The following PARD3B variants were observed in gnomAD, a reference collection of about 807,000 sequenced individuals.
PARD3B encodes par-3 family cell polarity regulator beta.
A neutral mutation model predicts 130.2 loss-of-function variants in PARD3B; 103 were observed. The observed-to-expected ratio is 0.79, with a 90% CI of 0.67 to 0.93. PARD3B has a LOEUF of 0.93. Among genes scored for constraint, PARD3B ranks in the 40% least tolerant of loss-of-function variants. The pLI, the probability that PARD3B is intolerant of heterozygous loss-of-function variation, is 0.00. For missense variants in PARD3B, 1,609 were observed against 1,499.2 expected, an observed-to-expected ratio of 1.07 and a Z score of -1.21; for synonymous variants, 583 against 553.2, an observed-to-expected ratio of 1.05 and a Z score of -0.76.
intron 2 of PARD3B, among the ~76,000 whole-genome samples, chr2:204,831,158 T>C (rs897194119): frequency 1.3e-5 from 2 of 152,174 alleles, no homozygotes; most frequent in Non-Finnish European, 2.9e-5. Flanking sequence ...GATACTATGT[T>C]ATTTAAATTT....
intron 20 of PARD3B, among the ~76,000 whole-genome samples, chr2:205,459,288 T>C (rs1284787756): frequency 6.6e-6 from 1 of 152,168 alleles, no homozygotes; most frequent in Non-Finnish European, 1.5e-5. Flanking sequence ...TGCCTTCAAG[T>C]AGTTTTTAGG....
Position 205,564,141 on chromosome 2 carries a change from CAG to C in PARD3B, c.3260+10739_3260+10740del, listed in dbSNP as rs1339252945. On this transcript the variant is annotated intron_variant, in intron 22 of 22. Transcript: ENST00000406610. This position sits in a 1 kb window ranked among gnomAD's most constrained non-coding sequence, Gnocchi z 4.6. ...CAGAACTAGTGACAGGTTTTGGAGT[CAG>C]TTCAGTATTTTCTGCATCTGAAATT... Among the ~76,000 whole-genome samples, 1 of 152,142 alleles carries C rather than the reference CAG, an allele frequency of 6.6e-6. No individual in the cohort carries two copies. The highest frequency in any genetic ancestry group is 1.5e-5 in the Non-Finnish European group (1 of 68,034).
chr2:205,487,189 T>G (rs1265196876), intron 20 of PARD3B, among the ~76,000 whole-genome samples: 1 of 152,186 alleles, frequency 6.6e-6, no homozygotes, highest in Non-Finnish European at 1.5e-5. Context: ...TCACATATAT[T>G]TAGAACACTT....
chr2:205,369,427 TCA>T (rs577754796), intron 18 of PARD3B, among the ~76,000 whole-genome samples: 5 of 152,284 alleles, frequency 3.3e-5, no homozygotes, highest in African/African-American at 1.2e-4. Flanking sequence ...ATGATCTGTC[TCA>T]CAGGCTGGCA....
chr2:205,219,810 A>G (rs2038142014), intron 15 of PARD3B, among the ~76,000 whole-genome samples: 1 of 152,176 alleles, frequency 6.6e-6, no homozygotes, highest in East Asian at 1.9e-4. Flanking sequence ...AATGATCAGA[A>G]AATGTTTTCA....
chr2:205,338,299 C>T (rs1208629441), intron 18 of PARD3B, among the ~76,000 whole-genome samples: 1 of 151,974 alleles, frequency 6.6e-6, no homozygotes, highest in Non-Finnish European at 1.5e-5. Flanking sequence ...ACTTCCCTTC[C>T]AATATGTGCT....
intron 15 of PARD3B, among the ~76,000 whole-genome samples, chr2:205,209,954 C>G (rs2037536122): frequency 6.6e-6 from 1 of 151,960 alleles, no homozygotes; most frequent in African/African-American, 2.4e-5. Flanking sequence ...GGATGATACC[C>G]CACTTTCCAT....
chr2:204,940,315 A>G (rs1186740959), intron 2 of PARD3B, among the ~76,000 whole-genome samples: 1 of 152,128 alleles, frequency 6.6e-6, no homozygotes, highest in Non-Finnish European at 1.5e-5. Context: ...AAATGTGATA[A>G]CATCCTAGGA....
chr2:204,990,274 A>G (rs779746304), intron 3 of PARD3B, among the ~76,000 whole-genome samples: 23 of 146,958 alleles, frequency 1.6e-4, no homozygotes, highest in Non-Finnish European at 2.7e-4. Flanking sequence ...TTTTTTTTTT[A>G]CTGATAATAA....
chr2:204,555,780 C>G (rs1394126517), intron 1 of PARD3B, among the ~76,000 whole-genome samples: 2 of 152,190 alleles, frequency 1.3e-5, no homozygotes, highest in East Asian at 3.8e-4. Context: ...GCCGTTTTCT[C>G]TCTTCCTAAA....
At chr2:205,459,783 C>T (rs1401051327) in intron 20 of PARD3B, among the ~76,000 whole-genome samples, 1 of 152,176 alleles carries the variant, frequency 6.6e-6, no homozygotes, top group African/African-American at 2.4e-5. Context: ...GATGGGTTTG[C>T]TTCCTTCTCT....
At chr2:205,067,662 G>A (rs1700475470) in intron 4 of PARD3B, among the ~76,000 whole-genome samples, 1 of 151,690 alleles carries the variant, frequency 6.6e-6, no homozygotes, top group African/African-American at 2.4e-5. Flanking sequence ...TATGTGTGTG[G>A]GTCTATTTTT....
chr2:204,690,331 C>T (rs1353149339), intron 2 of PARD3B, among the ~76,000 whole-genome samples: 1 of 152,100 alleles, frequency 6.6e-6, no homozygotes, highest in Admixed American at 6.6e-5. Flanking sequence ...ATGTCTACTC[C>T]CTAATCTCTA....
intron 11 of PARD3B, among the ~76,000 whole-genome samples, chr2:205,164,614 A>G (rs964910840): frequency 2.0e-5 from 3 of 152,110 alleles, no homozygotes; most frequent in African/African-American, 7.2e-5. Flanking sequence ...TTGGAATGCT[A>G]CAACATTTTG....
intron 10 of PARD3B, among the ~76,000 whole-genome samples, chr2:205,130,076 T>C (rs10185050): frequency 0.31 from 46,827 of 152,128 alleles, 7,945 homozygotes; most frequent in Middle Eastern, 0.51. Flanking sequence ...CTGTTTCTAG[T>C]ATCTTTACCA....
rs541041047 is a variant in PARD3B at position 205,158,542 on chromosome 2, A to G, written c.1435-180A>G. On this transcript the variant is annotated intron_variant, in intron 10 of 22. Coordinates refer to ENST00000406610, the MANE Select transcript of PARD3B (RefSeq NM_001302769.2). This position sits in a 1 kb window ranked among gnomAD's most constrained non-coding sequence, Gnocchi z 5.4. ...TGAAACCTCTTCCCCTGCTCCATGG[A>G]TGTGACTGTGGCTCCTTGTGGAGAG... Among the ~76,000 whole-genome samples the G allele has an allele frequency of 6.6e-6, 1 of 152,304 alleles. No homozygotes were observed. Among genetic ancestry groups the G allele is most frequent in the East Asian group, 1.9e-4 (1 of 5,186 alleles).
In PARD3B at chr2:205,245,788, A is replaced by G. The variant is rs374578188; in HGVS notation, c.2151A>G (p.Glu717=). The part of the protein sequence containing the change: ...ASKSMDLVPD[E]SKVHSLAGQK... ...ATTTCTTCTCCTCAGTGCCAGATGA[A>G]AGCAAGGTTCACTCATTGGCTGGAC... is the stretch of plus-strand genomic sequence containing the variant. Residue 717 remains glutamate, a synonymous_variant, in exon 16 of 23, where the codon GAA becomes GAG. Transcript: ENST00000406610. 81 of 1,602,018 alleles carry G rather than the reference A, an allele frequency of 5.1e-5. No homozygotes were observed. The highest frequency in any genetic ancestry group is 6.8e-5 in the Non-Finnish European group (80 of 1,169,786).
At chr2:205,581,035 T>G (rs1437356023) in intron 22 of PARD3B, among the ~76,000 whole-genome samples, 1 of 152,078 alleles carries the variant, frequency 6.6e-6, no homozygotes, top group African/African-American at 2.4e-5. Flanking sequence ...TTTCAAGTAT[T>G]TGAATAAGAT....
Position 204,802,230 on chromosome 2 carries a change from A to G in PARD3B, c.222+115948A>G, listed in dbSNP as rs546690181. 3.3e-4 allele frequency among the ~76,000 whole-genome samples: 50 copies of G among 152,348 alleles called. 1 individual carries two copies. Among genetic ancestry groups the G allele is most frequent in the African/African-American group, 1.1e-3 (46 of 41,584 alleles). On this transcript the variant is annotated intron_variant, in intron 2 of 22. Transcript: ENST00000406610. The stretch of plus-strand genomic sequence containing the variant: ...GAAGACATTTATGTGGCCAATAAAC[A>G]TATGAACAAAAGCTCATCATCAATG...
Sources: allele counts gnomAD v4.1 joint callset (sites outside exome capture counted in the v4.1 genomes callset), GRCh38; gene constraint gnomAD v4.1.1; non-coding constraint Gnocchi (gnomAD v3.1); transcripts MANE v1.5; gene names NCBI Gene and HGNC (gene_info 2026-07-23, HGNC 2026-07-21).